CSMD1: variants seen among roughly 807,000 people sequenced by gnomAD.
CSMD1 encodes CUB and sushi domain-containing protein 1.
CSMD1 carries 213 observed loss-of-function variants against 417.5 expected under a neutral mutation model. The ratio of observed to expected loss-of-function variants is 0.51; its 90% CI spans 0.46 to 0.57. The LOEUF (loss-of-function observed/expected upper bound fraction) is 0.57, where lower values mean the gene tolerates loss of function less well. Ranked by LOEUF, CSMD1 falls within the 20% of genes least tolerant of loss-of-function variation. The pLI is 0.00. For synonymous variants in CSMD1, 2,862 were observed against 1,736.8 expected (o/e 1.65, Z -16.11); for missense variants, 6,923 against 4,529.7 (o/e 1.53, Z -15.17).
intron 26 of CSMD1, among the ~76,000 whole-genome samples, chr8:3,259,019 C>G (rs114159989): frequency 6.6e-6 from 1 of 152,122 alleles, no homozygotes; most frequent in Non-Finnish European, 1.5e-5. Context: ...GGTGATGAAT[C>G]TAGGTTAGGC....
intron 3 of CSMD1, among the ~76,000 whole-genome samples, chr8:4,389,902 T>A (rs1803727431): frequency 6.6e-6 from 1 of 152,172 alleles, no homozygotes; most frequent in Non-Finnish European, 1.5e-5. Flanking sequence ...TTGTTTCCAG[T>A]TTTCCACTGT....
At chr8:3,253,418 T>C (rs1800417634) in intron 26 of CSMD1, among the ~76,000 whole-genome samples, 1 of 152,204 alleles carries the variant, frequency 6.6e-6, no homozygotes, top group South Asian at 2.1e-4. Flanking sequence ...TTCTGTTCTT[T>C]TACATTTGCT....
Position 4,305,373 on chromosome 8 carries a change from G to C in CSMD1, c.415+114580C>G, listed in dbSNP as rs1484648186. ...CGAACTGGAATCTAAGGGGCTTGCAGGGATAGAGCAAGAGATTTGCTGAGG... is the reference window on the plus strand; with the variant it reads ...CGAACTGGAATCTAAGGGGCTTGCACGGATAGAGCAAGAGATTTGCTGAGG... On this transcript the variant is annotated intron_variant, in intron 3 of 69. Coordinates refer to ENST00000635120, the MANE Select transcript of CSMD1 (RefSeq NM_033225.6). 3.9e-5 allele frequency among the ~76,000 whole-genome samples: 6 copies of C among 152,262 alleles called. No individual in the cohort carries two copies. The South Asian group carries it at 1.0e-3, about 26-fold the overall frequency.
At position 3,556,856 on chromosome 8, in the gene CSMD1, A is replaced by C. The variant is rs142656882; in HGVS notation, c.1344+18089T>G. Among the ~76,000 whole-genome samples the C allele has an allele frequency of 4.7e-3, 720 of 152,132 alleles. 6 individuals are homozygous for C. Among genetic ancestry groups the C allele is most frequent in the African/African-American group, 0.016 (681 of 41,448 alleles). On this transcript the variant is annotated intron_variant, in intron 10 of 69. Transcript: ENST00000635120. ...CTGCCATAGGGCTTACCCCCTCTGG[A>C]CAGATCTCAGCACACTTCGTACTTC... is the stretch of plus-strand genomic sequence containing the variant.
At chr8:3,572,865 A>G (rs753266310) in intron 10 of CSMD1, among the ~76,000 whole-genome samples, 2 of 152,180 alleles carry the variant, frequency 1.3e-5, no homozygotes, top group Non-Finnish European at 2.9e-5. Context: ...GTAAAGTTCT[A>G]CTATCTAACC....
chr8:4,684,496 G>A (rs1806243884), intron 1 of CSMD1, among the ~76,000 whole-genome samples: 1 of 152,154 alleles, frequency 6.6e-6, no homozygotes. Context: ...CGGCTGGAGA[G>A]AGATTTACTT....
At chr8:4,763,387 G>A (rs17071232) in intron 1 of CSMD1, among the ~76,000 whole-genome samples, 13,954 of 152,180 alleles carry the variant, frequency 0.092, 851 homozygotes, top group Non-Finnish European at 0.13. Flanking sequence ...TAGGTTTTTA[G>A]GCAGTTAATT....
intron 5 of CSMD1, among the ~76,000 whole-genome samples, chr8:3,810,921 A>T (rs1801031879): frequency 6.6e-6 from 1 of 152,162 alleles, no homozygotes. Flanking sequence ...TTCCTCATTC[A>T]GCCCTTTATC....
At chr8:4,650,418 G>T (rs1384277223) in intron 1 of CSMD1, among the ~76,000 whole-genome samples, 1 of 146,900 alleles carries the variant, frequency 6.8e-6, no homozygotes, top group African/African-American at 2.5e-5. Flanking sequence ...CACTGTAATT[G>T]ATCTTCAGCT....
intron 1 of CSMD1, among the ~76,000 whole-genome samples, chr8:4,858,502 A>T (rs1212821219): frequency 6.6e-6 from 1 of 151,660 alleles, no homozygotes; most frequent in Admixed American, 6.6e-5. Flanking sequence ...ACATGATTGT[A>T]TATCCAGAAA....
At chr8:4,562,293 G>T (rs1486313645) in intron 2 of CSMD1, among the ~76,000 whole-genome samples, 1 of 152,296 alleles carries the variant, frequency 6.6e-6, no homozygotes, top group South Asian at 2.1e-4. Context: ...ACAACCTGCT[G>T]GAGTGGAGGA....
intron 3 of CSMD1, among the ~76,000 whole-genome samples, chr8:4,052,685 A>AG: frequency 6.6e-6 from 1 of 152,296 alleles, no homozygotes; most frequent in Non-Finnish European, 1.5e-5. Context: ...ATAATAAGTA[A>AG]GGTGTATATA....
intron 5 of CSMD1, among the ~76,000 whole-genome samples, chr8:3,959,205 C>T (rs1812161181): frequency 1.3e-5 from 2 of 152,156 alleles, no homozygotes; most frequent in African/African-American, 4.8e-5. Flanking sequence ...TTAAAAAATT[C>T]TTATAGTTTC....
intron 5 of CSMD1, among the ~76,000 whole-genome samples, chr8:3,950,247 G>T (rs1316736770): frequency 6.6e-6 from 1 of 152,248 alleles, no homozygotes; most frequent in South Asian, 2.1e-4. Flanking sequence ...TTATGATGAT[G>T]AATTAGTAGT....
chr8:3,865,665 T>C (rs1240883906), intron 5 of CSMD1, among the ~76,000 whole-genome samples: 1 of 152,162 alleles, frequency 6.6e-6, no homozygotes, highest in African/African-American at 2.4e-5. Context: ...ATCAGTCCTG[T>C]TAAGTACCAG....
chr8:3,339,509 G>A (rs1482513286), intron 23 of CSMD1, among the ~76,000 whole-genome samples: 1 of 152,110 alleles, frequency 6.6e-6, no homozygotes, highest in African/African-American at 2.4e-5. Flanking sequence ...TCTCATCAGA[G>A]GGCCAATGGG....
At chr8:4,604,411 G>GTGTGCGCA (rs1554522695) in intron 2 of CSMD1, among the ~76,000 whole-genome samples, 4 of 20,462 alleles carry the variant, frequency 2.0e-4, no homozygotes, top group South Asian at 4.6e-3. Context: ...GTGTGTGTGT[G>GTGTGCGCA]CGCGTGCGTA....
Position 2,938,381 on chromosome 8 carries a change from A to C in CSMD1, c.*204T>G. On this transcript the variant is annotated 3_prime_UTR_variant, in exon 70 of 70. Transcript: ENST00000635120. ...CCAGGCATTTAGAACCCACTTTTGGAATGAAAACGCATGTGTAGTTTGATC... is the reference window on the plus strand; with the variant it reads ...CCAGGCATTTAGAACCCACTTTTGGCATGAAAACGCATGTGTAGTTTGATC... 2.0e-6 allele frequency: 1 copy of C among 490,232 alleles called. No homozygotes were observed. The allele number at this position is 490,232 out of a possible 1,614,324, so 30.4% of individuals were successfully genotyped here. A position where few individuals can be genotyped will look rare whatever the true frequency, so the allele number is the denominator to read the frequency against.
intron 3 of CSMD1, among the ~76,000 whole-genome samples, chr8:4,285,624 A>G (rs890925846): frequency 1.3e-5 from 2 of 152,232 alleles, no homozygotes; most frequent in African/African-American, 4.8e-5. Flanking sequence ...GCATTGCCCT[A>G]AATGGAATAG....
Sources: gnomAD v4.1 joint callset for allele counts (sites outside exome capture counted in the v4.1 genomes callset) on GRCh38, gnomAD v4.1.1 for gene constraint, MANE v1.5 for transcripts, NCBI Gene and HGNC (gene_info 2026-07-23, HGNC 2026-07-21) for gene names.